The following PHF7 variants were observed in gnomAD, a reference collection of about 807,000 sequenced individuals.
The protein encoded by PHF7 is PHD finger protein 7.
PHF7 carries 24 observed loss-of-function variants against 47.5 expected under a neutral mutation model. That is an observed-to-expected ratio of 0.51 (90% CI 0.37 to 0.71). PHF7 has a LOEUF of 0.71. Ranked by LOEUF, PHF7 falls within the 30% of genes least tolerant of loss-of-function variation. The pLI is 0.00. For synonymous variants in PHF7, 156 were observed against 153.8 expected, an observed-to-expected ratio of 1.01 and a Z score of -0.11; for missense variants, 361 against 456.8, an observed-to-expected ratio of 0.79 and a Z score of 1.91.
chr3:52,419,819 T>C lies in PHF7; in HGVS notation c.187-14T>C. The C allele has an allele frequency of 7.0e-7, 1 of 1,429,724 alleles. No individual in the cohort carries two copies. The highest frequency in any genetic ancestry group is 9.8e-7 in the Non-Finnish European group (1 of 1,020,836). The allele number at this position is 1,429,724 out of a possible 1,614,324, so 88.6% of individuals were successfully genotyped here. ...ATCATCATTGTTAACAGCCTGGTTC[T>C]ACTGCCCCCGCAGATCTTATCTAGT... On this transcript the variant is annotated splice_polypyrimidine_tract_variant and intron_variant, in intron 4 of 10. Coordinates refer to ENST00000327906, the MANE Select transcript of PHF7 (RefSeq NM_016483.7).
rs750752797 is a variant in PHF7, at chr3:52,423,267, T to G, written c.1096T>G (p.Trp366Gly). ...ESSRGRRSYS[W>G]RSKGVRITNS... The stretch of plus-strand genomic sequence containing the variant: ...CTCTCGTGGCAGGAGGAGCTACTCC[T>G]GGAGGTCCAAGGGTGTCAGAATCAC... The change falls in exon 11 of 11, where the codon TGG becomes GGG. Residue 366 changes from tryptophan (W) to glycine (G), a missense_variant. By Grantham distance (184) the Trp-to-Gly change is radical. Transcript: ENST00000327906. The G allele has an allele frequency of 6.2e-7, 1 of 1,614,148 alleles. No homozygotes were observed. Among genetic ancestry groups the G allele is most frequent in the Admixed American group, 1.7e-5 (1 of 60,018 alleles).
chr3:52,422,491 CT>C, intron 9 of PHF7, 153 bp downstream of exon 9: 1 of 674,176 alleles, frequency 1.5e-6, no homozygotes. Context: ...GCCCGACTCA[CT>C]TGTGTGCACG....
chr3:52,418,909 G>A (rs1027303307), intron 4 of PHF7, among the ~76,000 whole-genome samples: 47 of 151,604 alleles, frequency 3.1e-4, no homozygotes, highest in Admixed American at 3.1e-3. Flanking sequence ...CCGGGTTCAA[G>A]CGATTCTCCT....
rs113299438 is a variant in PHF7, at chr3:52,414,697, A to G, written c.186+110A>G. 2.1e-5 allele frequency: 13 copies of G among 619,656 alleles called. No individual in the cohort carries two copies. In the Middle Eastern group the frequency reaches 9.4e-4, roughly 45 times the overall value. The allele number at this position is 619,656 out of a possible 1,614,324, so 38.4% of individuals were successfully genotyped here. Reference sequence around the variant, plus strand: ...CAGCCTTGTTTTTTTATTTTTCTTAATAGCTTTTTTGTTTTAAAATCTATT... The same window carrying G: ...CAGCCTTGTTTTTTTATTTTTCTTAGTAGCTTTTTTGTTTTAAAATCTATT... On this transcript the variant is annotated intron_variant, in intron 4 of 10. Coordinates refer to ENST00000327906, the MANE Select transcript of PHF7 (RefSeq NM_016483.7).
intron 2 of PHF7, 49 bp downstream of exon 2, chr3:52,412,969 G>C: frequency 6.9e-7 from 1 of 1,440,452 alleles, no homozygotes; most frequent in Non-Finnish European, 9.8e-7. Context: ...CCAATGGCCT[G>C]TGGTATAGGC....
At chr3:52,421,993 TGA>T (rs1705805135) in intron 8 of PHF7, 1 of 593,866 alleles carries the variant, frequency 1.7e-6, no homozygotes, top group African/African-American at 1.9e-5. Context: ...CCTGGGGGGT[TGA>T]GTTATTGGAT....
At chr3:52,416,883 G>A (rs1328066073) in intron 4 of PHF7, among the ~76,000 whole-genome samples, 3 of 151,320 alleles carry the variant, frequency 2.0e-5, no homozygotes, top group Admixed American at 1.3e-4. Context: ...TGTAGGAATT[G>A]CTTATATATT....
At chr3:52,416,188 GT>G (rs1010028983) in intron 4 of PHF7, among the ~76,000 whole-genome samples, 2,663 of 137,864 alleles carry the variant, frequency 0.019, 28 homozygotes, top group Middle Eastern at 0.037. Flanking sequence ...TGGTTTTTTG[GT>G]TTTTTTTTTT....
Position 52,419,920 on chromosome 3 carries a change from C to G in PHF7, c.274C>G (p.Arg92Gly). 6.2e-7 allele frequency: 1 copy of G among 1,604,278 alleles called. No individual in the cohort carries two copies. Among genetic ancestry groups the G allele is most frequent in the Non-Finnish European group, 8.5e-7 (1 of 1,173,610 alleles). ...LPEDIKKEAA[R>G]ASRKICFVCK... Reference sequence around the variant, plus strand: ...TGAAGACATCAAAAAGGAGGCAGCCCGGGCTTCTAGGAAGGTTAGAATCTC... The same window carrying G: ...TGAAGACATCAAAAAGGAGGCAGCCGGGGCTTCTAGGAAGGTTAGAATCTC... The change falls in exon 5 of 11, where the codon CGG becomes GGG. Residue 92 changes from arginine to glycine, a missense_variant. Transcript: ENST00000327906.
Position 52,421,659 on chromosome 3 carries a change from C to T in PHF7, c.585C>T (p.His195=), listed in dbSNP as rs1246530160. 6 of 1,596,008 alleles carry T rather than the reference C, an allele frequency of 3.8e-6. No individual in the cohort carries two copies. The highest frequency in any genetic ancestry group is 5.2e-6 in the Non-Finnish European group (6 of 1,163,460). Residue 195 remains histidine, a synonymous_variant, in exon 8 of 11, where the codon CAC becomes CAT. Coordinates refer to ENST00000327906, the MANE Select transcript of PHF7 (RefSeq NM_016483.7). ...TGTTTCTCTTACAGAAATATGCCCA[C>T]ACATCAGCAAAGCATTTCTTCAAAT... ...YHRKCIQKYA[H]TSAKHFFKCP...
chr3:52,420,279 G>T (rs1194102215), intron 5 of PHF7, 32 bp from the exon 6 acceptor site: 3 of 1,611,766 alleles, frequency 1.9e-6, no homozygotes, highest in Non-Finnish European at 2.5e-6. Flanking sequence ...ATTTCTTGGG[G>T]TCCTGAGCAC....
chr3:52,421,574 G>A (rs1705791987), intron 7 of PHF7, 74 bp from the exon 8 acceptor site: 1 of 857,032 alleles, frequency 1.2e-6, no homozygotes. Flanking sequence ...CTTTGTAGGG[G>A]TGAGGGTGGG....
intron 1 of PHF7, among the ~76,000 whole-genome samples, chr3:52,411,501 A>G (rs540833037): frequency 6.6e-6 from 1 of 152,320 alleles, no homozygotes; most frequent in East Asian, 1.9e-4. Context: ...TTGAACAGTA[A>G]TTTCCTCAGT....
intron 4 of PHF7, among the ~76,000 whole-genome samples, chr3:52,416,937 T>C (rs1274155546): frequency 4.6e-5 from 7 of 152,244 alleles, no homozygotes; most frequent in Non-Finnish European, 8.8e-5. Context: ...GAGACTATTT[T>C]CTTCCTAGTC....
chr3:52,417,027 T>A (rs1011159440), intron 4 of PHF7, among the ~76,000 whole-genome samples: 14 of 460 alleles, frequency 0.03, no homozygotes, highest in Admixed American at 0.095. Flanking sequence ...GTTTATCCAT[T>A]TTTTTCTTTT....
Position 52,420,401 on chromosome 3 carries a change from A to G in PHF7, c.379A>G (p.Arg127Gly). ...RNFHLPCGQERGCLSQFFGEY... is the reference protein window; with the variant it reads ...RNFHLPCGQEGGCLSQFFGEY... Reference sequence around the variant, plus strand: ...CTTCCATCTGCCTTGTGGCCAAGAAAGGGGTTGCCTTTCACAATTTTTTGG... The same window carrying G: ...CTTCCATCTGCCTTGTGGCCAAGAAGGGGGTTGCCTTTCACAATTTTTTGG... The change falls in exon 6 of 11, where the codon AGG (arginine) becomes GGG (glycine). Residue 127 changes from arginine to glycine, a missense_variant. Physicochemically the swap from Arg to Gly is moderately radical, Grantham distance 125. Coordinates refer to ENST00000327906, the MANE Select transcript of PHF7 (RefSeq NM_016483.7). The G allele has an allele frequency of 1.9e-6, 3 of 1,614,158 alleles. No individual in the cohort carries two copies. Among genetic ancestry groups the G allele is most frequent in the Non-Finnish European group, 2.5e-6 (3 of 1,179,978 alleles).
rs570677885 is a variant in PHF7, at chr3:52,419,108, G to A, written c.187-725G>A. Reference sequence around the variant, plus strand: ...GTGTGAGCCACCGTGCCTGGCCAAGGATTGTAAGCATAAAATGAGTAAATA... The same window carrying A: ...GTGTGAGCCACCGTGCCTGGCCAAGAATTGTAAGCATAAAATGAGTAAATA... On this transcript the variant is annotated intron_variant, in intron 4 of 10. Transcript: ENST00000327906. Among the ~76,000 whole-genome samples, 3 of 152,070 alleles carry A rather than the reference G, an allele frequency of 2.0e-5. No individual in the cohort carries two copies. The South Asian group carries it at 6.2e-4, about 32-fold the overall frequency.
In PHF7 at chr3:52,420,923, G is replaced by A. The variant is rs755299267; in HGVS notation, c.434G>A (p.Arg145His). The change falls in exon 7 of 11, where the codon CGC becomes CAC. Residue 145 changes from arginine (R) to histidine (H), a missense_variant. Physicochemically the swap from Arg to His is conservative, Grantham distance 29. Coordinates refer to ENST00000327906, the MANE Select transcript of PHF7 (RefSeq NM_016483.7). ...CACAGATCATTTTGTGACAAACATCGCCCAACACAGAACATCCAACATGGG... is the reference window on the plus strand; with the variant it reads ...CACAGATCATTTTGTGACAAACATCACCCAACACAGAACATCCAACATGGG... ...GEYKSFCDKH[R>H]PTQNIQHGHV... is the part of the protein sequence containing the mutation. 5.0e-6 allele frequency: 8 copies of A among 1,610,950 alleles called. No individual in the cohort carries two copies. The highest frequency in any genetic ancestry group is 4.0e-5 in the African/African-American group (3 of 74,706).
intron 1 of PHF7, 178 bp downstream of exon 1, chr3:52,411,425 A>C (rs984802932): frequency 2.0e-5 from 3 of 152,156 alleles, no homozygotes; most frequent in African/African-American, 7.2e-5. Flanking sequence ...TGCTTCTGCA[A>C]CTCCTGGGTT....
Sources: allele counts gnomAD v4.1 joint callset (sites outside exome capture counted in the v4.1 genomes callset), GRCh38; gene constraint gnomAD v4.1.1; transcripts MANE v1.5; gene names NCBI Gene and HGNC (gene_info 2026-07-23, HGNC 2026-07-21).